The following CLASP2 variants were observed in gnomAD, a reference collection of about 807,000 sequenced individuals.
CLASP2 encodes the protein cytoplasmic linker associated protein 2.
In CLASP2, 47 loss-of-function variants were observed where a neutral mutation model predicts 194.4. That is an observed-to-expected ratio of 0.24 (90% CI 0.19 to 0.31). CLASP2 has a LOEUF of 0.31. CLASP2 is among the 10% of genes least tolerant of loss of function. The probability of loss-of-function intolerance (pLI) is 1.00; values close to 1 mark genes in which losing one functional copy is unlikely to be tolerated. For synonymous variants in CLASP2, 619 were observed against 633.5 expected (o/e 0.98, Z 0.34); for missense variants, 1,445 against 1,823.6 (o/e 0.79, Z 3.78).
intron 27 of CLASP2, 128 bp from the exon 28 acceptor site, chr3:33,561,099 A>G: frequency 5.3e-6 from 4 of 751,248 alleles, no homozygotes; most frequent in Non-Finnish European, 8.5e-6. Context: ...CAAGCGGAAA[A>G]ACAATCTCTC....
intron 16 of CLASP2, among the ~76,000 whole-genome samples, chr3:33,606,012 G>A (rs1354249279): frequency 6.6e-6 from 1 of 152,128 alleles, no homozygotes; most frequent in African/African-American, 2.4e-5. Context: ...GCTAGGAAGT[G>A]GAGAAGGCAT....
intron 6 of CLASP2, among the ~76,000 whole-genome samples, chr3:33,671,373 A>G (rs1220054014): frequency 6.6e-6 from 1 of 152,230 alleles, no homozygotes; most frequent in Admixed American, 6.5e-5. Context: ...AAAAAAAGAG[A>G]GAGCAAGTAA....
intron 7 of CLASP2, among the ~76,000 whole-genome samples, chr3:33,651,657 CTTTT>C (rs1213189049): frequency 1.7e-5 from 2 of 119,628 alleles, no homozygotes; most frequent in South Asian, 2.7e-4. Context: ...TTCCACCTCA[CTTTT>C]TTTTTTTTTT....
intron 36 of CLASP2, among the ~76,000 whole-genome samples, chr3:33,515,167 T>C (rs1351040209): frequency 1.3e-5 from 2 of 152,124 alleles, no homozygotes; most frequent in Non-Finnish European, 2.9e-5. Flanking sequence ...AAATCACCAC[T>C]AAAGAACTTA....
In CLASP2 at chr3:33,676,095, T is replaced by C. The variant is rs2088562803; in HGVS notation, c.644+8264A>G. Among the ~76,000 whole-genome samples, 4 of 152,060 alleles carry C rather than the reference T, an allele frequency of 2.6e-5. No individual in the cohort carries two copies. In the South Asian group the frequency reaches 8.3e-4, roughly 32 times the overall value. On this transcript the variant is annotated intron_variant, in intron 6 of 38. Transcript: ENST00000682230. ...TTGGAAAAAACTACTTTAAAGTTCATATGGAACCAAAAAGAGCCCGCATTG... is the reference window on the plus strand; with the variant it reads ...TTGGAAAAAACTACTTTAAAGTTCACATGGAACCAAAAAGAGCCCGCATTG...
At chr3:33,551,660 G>C (rs746978381) in intron 29 of CLASP2, among the ~76,000 whole-genome samples, 5 of 152,136 alleles carry the variant, frequency 3.3e-5, no homozygotes, top group Non-Finnish European at 7.3e-5. Context: ...TGAGGTACAA[G>C]TATATGACAG....
At chr3:33,690,786 C>T (rs911038931) in intron 2 of CLASP2, among the ~76,000 whole-genome samples, 4 of 152,272 alleles carry the variant, frequency 2.6e-5, no homozygotes, top group African/African-American at 9.6e-5. Context: ...CCAACATACC[C>T]GCACTGTTCA....
chr3:33,571,225 G>GGAT (rs1171180383), intron 25 of CLASP2, among the ~76,000 whole-genome samples: 1 of 143,578 alleles, frequency 7.0e-6, no homozygotes, highest in Non-Finnish European at 1.5e-5. Flanking sequence ...GTGTTAGCCA[G>GGAT]GATGGTCTCG....
intron 8 of CLASP2, among the ~76,000 whole-genome samples, chr3:33,640,679 TATATC>T (rs1389324979): frequency 1.3e-5 from 2 of 152,076 alleles, no homozygotes; most frequent in African/African-American, 4.8e-5. Flanking sequence ...AAATGATAAT[TATATC>T]ATCATCTAAT....
At chr3:33,592,334 A>G (rs927385992) in intron 21 of CLASP2, 61 bp downstream of exon 21, 8 of 1,206,378 alleles carry the variant, frequency 6.6e-6, no homozygotes, top group Non-Finnish European at 9.7e-6. Context: ...CAGTAATACA[A>G]AAGCAACACA....
At chr3:33,678,107 T>C (rs2089156371) in intron 6 of CLASP2, among the ~76,000 whole-genome samples, 2 of 151,834 alleles carry the variant, frequency 1.3e-5, no homozygotes, top group African/African-American at 4.8e-5. Flanking sequence ...GAAGAGACTA[T>C]CCAAGAACTG....
At position 33,671,634 on chromosome 3, in the gene CLASP2, C is replaced by T. The variant is rs372603561; in HGVS notation, c.645-8119G>A. ...GCACCGTGCACGAGCCAAAGCAGGG[C>T]GAGGCATTGCCTCACTTGGGAAGCA... On this transcript the variant is annotated intron_variant, in intron 6 of 38. Transcript: ENST00000682230. Among the ~76,000 whole-genome samples, 10 of 152,120 alleles carry T rather than the reference C, an allele frequency of 6.6e-5. No homozygotes were observed. In the East Asian group the frequency reaches 9.6e-4, roughly 15 times the overall value.
intron 7 of CLASP2, among the ~76,000 whole-genome samples, chr3:33,649,071 T>TC (rs2082740227): frequency 6.6e-6 from 1 of 151,672 alleles, no homozygotes; most frequent in African/African-American, 2.4e-5. Flanking sequence ...TTCTCTCTAA[T>TC]CCCCCCACCA....
chr3:33,644,654 T>C (rs1199819415), intron 8 of CLASP2, 103 bp downstream of exon 8: 3 of 1,234,504 alleles, frequency 2.4e-6, no homozygotes, highest in Non-Finnish European at 3.5e-6. Context: ...TCTGCAATCG[T>C]GCTGCAGTCA....
chr3:33,524,987 T>C (rs916423010), intron 34 of CLASP2, among the ~76,000 whole-genome samples: 6 of 152,174 alleles, frequency 3.9e-5, no homozygotes, highest in Admixed American at 3.3e-4. Context: ...ACATATATGG[T>C]GCACACAGGA....
intron 8 of CLASP2, among the ~76,000 whole-genome samples, chr3:33,639,869 C>G (rs983009418): frequency 6.6e-6 from 1 of 152,024 alleles, no homozygotes. Flanking sequence ...AGGAGATTAC[C>G]CGGAGATGAT....
At chr3:33,663,812 C>A (rs532821034) in intron 6 of CLASP2, among the ~76,000 whole-genome samples, 37 of 152,238 alleles carry the variant, frequency 2.4e-4, no homozygotes, top group East Asian at 1.5e-3. Flanking sequence ...CCAAATCCAT[C>A]AAAAATATCC....
chr3:33,506,326 CGA>C (rs1401283554), intron 37 of CLASP2, among the ~76,000 whole-genome samples: 2 of 134,614 alleles, frequency 1.5e-5, no homozygotes, highest in African/African-American at 5.7e-5. Context: ...TTCAGTGAGC[CGA>C]GATTGTGCCA....
chr3:33,583,190 G>GA (rs1427991555), intron 22 of CLASP2, among the ~76,000 whole-genome samples: 1 of 152,110 alleles, frequency 6.6e-6, no homozygotes, highest in Non-Finnish European at 1.5e-5. Context: ...AGAAAGTCTG[G>GA]AAAAAATAAG....
Sources: allele counts gnomAD v4.1 joint callset (sites outside exome capture counted in the v4.1 genomes callset), GRCh38; gene constraint gnomAD v4.1.1; transcripts MANE v1.5; gene names NCBI Gene and HGNC (gene_info 2026-07-23, HGNC 2026-07-21).